The following PLXNA4 variants were observed in gnomAD, a reference collection of about 807,000 sequenced individuals.
PLXNA4 encodes the protein plexin-A4.
PLXNA4 carries 44 observed loss-of-function variants against 191.8 expected under a neutral mutation model. The ratio of observed to expected loss-of-function variants is 0.23; its 90% CI spans 0.18 to 0.29. The LOEUF is 0.29. PLXNA4 is among the 10% of genes least tolerant of loss of function. The pLI is 1.00. For synonymous variants in PLXNA4, 1,082 were observed against 1,009.5 expected (o/e 1.07, Z -1.36); for missense variants, 1,800 against 2,488.8 (o/e 0.72, Z 5.89).
chr7:132,584,596 AAAC>A (rs1802471929), intron 2 of PLXNA4, among the ~76,000 whole-genome samples: 1 of 152,250 alleles, frequency 6.6e-6, no homozygotes, highest in East Asian at 1.9e-4. Flanking sequence ...CTGCTCTGAA[AAAC>A]AACAGCAAAA....
At chr7:132,426,106 GA>G (rs962425938) in intron 3 of PLXNA4, among the ~76,000 whole-genome samples, 3 of 152,230 alleles carry the variant, frequency 2.0e-5, no homozygotes, top group Admixed American at 2.0e-4. Flanking sequence ...CAGAAAAGGG[GA>G]AAGAGGGCCT....
intron 2 of PLXNA4, among the ~76,000 whole-genome samples, chr7:132,645,381 C>G (rs1803847750): frequency 6.6e-6 from 1 of 152,204 alleles, no homozygotes; most frequent in African/African-American, 2.4e-5. Flanking sequence ...ACAGCTCCTC[C>G]TTCACGTGCG....
At position 132,128,206 on chromosome 7, in the gene PLXNA4, G is replaced by A. The variant is rs1794830708; in HGVS notation, c.*2273C>T. 6.6e-6 allele frequency: 1 copy of A among 152,180 alleles called. No individual in the cohort carries two copies. Among genetic ancestry groups the A allele is most frequent in the South Asian group, 2.1e-4 (1 of 4,824 alleles). The allele number at this position is 152,180 out of a possible 1,614,324, so 9.4% of individuals were successfully genotyped here. A position where few individuals can be genotyped will look rare whatever the true frequency, so the allele number is the denominator to read the frequency against. On this transcript the variant is annotated 3_prime_UTR_variant, in exon 32 of 32. Coordinates refer to ENST00000321063, the MANE Select transcript of PLXNA4 (RefSeq NM_020911.2). ...AGGTCCTGTGACTGACTTCTTGGGA[G>A]GGAATAAAATGATCAAGGATAGAAA...
chr7:132,255,500 G>C (rs10225838), intron 4 of PLXNA4, among the ~76,000 whole-genome samples: 1 of 152,018 alleles, frequency 6.6e-6, no homozygotes, highest in South Asian at 2.1e-4. Flanking sequence ...CAACATTCAC[G>C]TTAATGCAAA....
At chr7:132,138,541 A>T (rs766557970) in intron 30 of PLXNA4, among the ~76,000 whole-genome samples, 3 of 152,006 alleles carry the variant, frequency 2.0e-5, no homozygotes, top group Non-Finnish European at 4.4e-5. Context: ...TCTGGGCTTG[A>T]CCTCAGCCCT....
At chr7:132,632,514 A>C (rs781019981) in intron 2 of PLXNA4, among the ~76,000 whole-genome samples, 3 of 152,180 alleles carry the variant, frequency 2.0e-5, no homozygotes. Flanking sequence ...ACCTGGTTCC[A>C]GAGTTAGGCT....
chr7:132,623,206 C>T (rs1428046594), intron 2 of PLXNA4, among the ~76,000 whole-genome samples: 3 of 151,952 alleles, frequency 2.0e-5, no homozygotes, highest in East Asian at 3.9e-4. Flanking sequence ...ATTAGCCGGG[C>T]GTGGCAGCAC....
chr7:132,141,293 C>T (rs1795261735), intron 29 of PLXNA4, among the ~76,000 whole-genome samples: 1 of 152,172 alleles, frequency 6.6e-6, no homozygotes, highest in Non-Finnish European at 1.5e-5. Flanking sequence ...CACACCCTTC[C>T]TCCCTGCCTG....
chr7:132,371,316 C>G (rs1804429920), intron 3 of PLXNA4, among the ~76,000 whole-genome samples: 1 of 152,070 alleles, frequency 6.6e-6, no homozygotes, highest in South Asian at 2.1e-4. Context: ...AAAAACTGTC[C>G]CAGGAGACCC....
intron 2 of PLXNA4, among the ~76,000 whole-genome samples, chr7:132,505,059 G>A (rs1798404643): frequency 6.6e-6 from 1 of 152,244 alleles, no homozygotes; most frequent in African/African-American, 2.4e-5. Flanking sequence ...AGACTGGCTG[G>A]AGAGACAGCC....
At chr7:132,502,207 T>A (rs570737650) in intron 2 of PLXNA4, among the ~76,000 whole-genome samples, 12 of 151,954 alleles carry the variant, frequency 7.9e-5, no homozygotes, top group African/African-American at 2.9e-4. Flanking sequence ...CAGACTGGAA[T>A]GTGAGGCCAG....
rs10535106 is a variant in PLXNA4 at position 132,384,745 on chromosome 7, TACACACACAC to T, written c.1372-86533_1372-86524del. 4.5e-3 allele frequency: 4,435 copies of T among 991,776 alleles called. 4 individuals are homozygous for T. Among genetic ancestry groups the T allele is most frequent in the South Asian group, 0.023 (577 of 25,098 alleles). 61.4% of individuals were successfully genotyped at this position (991,776 alleles called of 1,614,324 possible). ...ACACACCTTTAAACACAGATAAGCA[TACACACACAC>T]ACACACACACACACACACACACACA... On this transcript the variant is annotated intron_variant, in intron 3 of 31. Coordinates refer to ENST00000321063, the MANE Select transcript of PLXNA4 (RefSeq NM_020911.2).
intron 16 of PLXNA4, among the ~76,000 whole-genome samples, chr7:132,184,043 G>A (rs993418109): frequency 5.3e-5 from 8 of 152,130 alleles, no homozygotes; most frequent in South Asian, 2.1e-4. Context: ...TTCAGCCCAC[G>A]GACTGGAGTT....
At chr7:132,186,087 G>A (rs1399988550) in intron 15 of PLXNA4, among the ~76,000 whole-genome samples, 6 of 152,296 alleles carry the variant, frequency 3.9e-5, no homozygotes, top group Middle Eastern at 3.4e-3. Flanking sequence ...AGCTCTCAGC[G>A]TAGCTCCCTC....
At chr7:132,504,373 A>G (rs1798374014) in intron 2 of PLXNA4, among the ~76,000 whole-genome samples, 2 of 152,310 alleles carry the variant, frequency 1.3e-5, no homozygotes, top group South Asian at 2.1e-4. Flanking sequence ...CTTGTGAAGG[A>G]GGCAGGTGGC....
chr7:132,374,887 C>T (rs1317640278), intron 3 of PLXNA4, among the ~76,000 whole-genome samples: 1 of 152,184 alleles, frequency 6.6e-6, no homozygotes, highest in African/African-American at 2.4e-5. Flanking sequence ...GGGTAAGCCA[C>T]CCAGAGTCAG....
intron 3 of PLXNA4, among the ~76,000 whole-genome samples, chr7:132,382,991 G>C (rs1804959958): frequency 6.6e-6 from 1 of 152,132 alleles, no homozygotes; most frequent in African/African-American, 2.4e-5. Context: ...GTTCTTATGG[G>C]CAACGATTTT....
Position 132,431,663 on chromosome 7 carries a change from GA to G in PLXNA4, c.1371+57628del, listed in dbSNP as rs200912556. Among the ~76,000 whole-genome samples the G allele has an allele frequency of 3.9e-4, 60 of 152,284 alleles. No individual in the cohort carries two copies. In the East Asian group the frequency reaches 0.011, roughly 27 times the overall value. ...CACTTTTGGGAACCCTCATGCTCAC[GA>G]TTTAGGCCTCTGACCTGCTAGGAAC... On this transcript the variant is annotated intron_variant, in intron 3 of 31. Coordinates refer to ENST00000321063, the MANE Select transcript of PLXNA4 (RefSeq NM_020911.2).
intron 3 of PLXNA4, 92 bp downstream of exon 3, chr7:132,489,200 G>T (rs879142690): frequency 2.9e-6 from 4 of 1,359,058 alleles, no homozygotes; most frequent in African/African-American, 2.9e-5. Flanking sequence ...CTGCCCACAC[G>T]CCCAAGTTAG....
Sources: allele counts gnomAD v4.1 joint callset (sites outside exome capture counted in the v4.1 genomes callset), GRCh38; gene constraint gnomAD v4.1.1; transcripts MANE v1.5; gene names NCBI Gene and HGNC (gene_info 2026-07-23, HGNC 2026-07-21).